IFIH1: variants seen among roughly 807,000 people sequenced by gnomAD.
IFIH1 encodes the protein interferon-induced helicase C domain-containing protein 1.
IFIH1 carries 125 observed loss-of-function variants against 107.4 expected under a neutral mutation model. The ratio of observed to expected loss-of-function variants is 1.16; its 90% CI spans 1.01 to 1.35. IFIH1 has a LOEUF of 1.35. IFIH1 is among the 40% of genes most tolerant of loss of function. The pLI, the probability that IFIH1 is intolerant of heterozygous loss-of-function variation, is 0.00. For missense variants in IFIH1, 1,333 were observed against 1,213.7 expected (o/e 1.10, Z -1.46); for synonymous variants, 458 against 413.2 (o/e 1.11, Z -1.31).
rs1382107944 is a variant in IFIH1 at position 162,268,112 on chromosome 2, G to A, written c.2782C>T (p.His928Tyr). Residue 928 changes from histidine to tyrosine, a missense_variant, in exon 14 of 16, where the codon CAC becomes TAC. Physicochemically the swap from His to Tyr is moderately conservative, Grantham distance 83. Coordinates refer to ENST00000649979, the MANE Select transcript of IFIH1 (RefSeq NM_022168.4). Reference protein sequence around the residue: ...EDIHVIEKMHHVNMTPEFKEL... With the variant: ...EDIHVIEKMHYVNMTPEFKEL... ...TTGAATTCTGGGGTCATATTGACGT[G>A]ATGCATTTTCTCAATTACATGGATA... 6 of 1,607,040 alleles carry A rather than the reference G, an allele frequency of 3.7e-6. No homozygotes were observed. The highest frequency in any genetic ancestry group is 5.1e-6 in the Non-Finnish European group (6 of 1,177,492).
At chr2:162,287,998 T>C in intron 5 of IFIH1, 137 bp downstream of exon 5, 1 of 613,674 alleles carries the variant, frequency 1.6e-6, no homozygotes. Context: ...AGATTAAAGA[T>C]AAAATAAAGA....
At chr2:162,306,926 T>C (rs112610136) in intron 2 of IFIH1, 71 bp from the exon 3 acceptor site, 6 of 1,374,542 alleles carry the variant, frequency 4.4e-6, no homozygotes, top group African/African-American at 1.4e-5. Context: ...ATAACTGTTA[T>C]TGTTATTTTG....
At position 162,278,222 on chromosome 2, in the gene IFIH1, A is replaced by G; in HGVS notation, c.1748T>C (p.Ile583Thr). The change falls in exon 9 of 16, where the codon ATT (isoleucine) becomes ACT (threonine). Residue 583 changes from isoleucine (I) to threonine (T), a missense_variant. Physicochemically the swap from Ile to Thr is moderately conservative, Grantham distance 89 (BLOSUM62 -1). Transcript: ENST00000649979. ...FGTQPYEQWA[I>T]QMEKKAAKEG... is the part of the protein sequence containing the mutation. ...TAAATTACCTTTTTTTTCCATTTGA[A>G]TGGCCCATTGTTCATAGGGTTGAGT... 6.2e-7 allele frequency: 1 copy of G among 1,604,456 alleles called. No homozygotes were observed.
In IFIH1 at chr2:162,303,133, C is replaced by T. The variant is rs570451472; in HGVS notation, c.769+3576G>A. Among the ~76,000 whole-genome samples the T allele has an allele frequency of 3.3e-5, 5 of 151,918 alleles. No individual in the cohort carries two copies. The South Asian group carries it at 8.3e-4, about 25-fold the overall frequency. Reference sequence around the variant, plus strand: ...TGAAGTCATTTCTTTTTTTTTGAGACGGAGTTTTTTTGTTCTTATTGCTCA... The same window carrying T: ...TGAAGTCATTTCTTTTTTTTTGAGATGGAGTTTTTTTGTTCTTATTGCTCA... On this transcript the variant is annotated intron_variant, in intron 3 of 15. Transcript: ENST00000649979.
In IFIH1 at chr2:162,278,205, C is replaced by A. The variant is rs150760072; in HGVS notation, c.1765G>T (p.Ala589Ser). 1.9e-6 allele frequency: 3 copies of A among 1,599,810 alleles called. No individual in the cohort carries two copies. The highest frequency in any genetic ancestry group is 3.5e-5 in the Admixed American group (2 of 56,872). ...AGTGTTAGGTCCAAACCTAAATTAC[C>A]TTTTTTTTCCATTTGAATGGCCCAT... Reference protein sequence around the residue: ...EQWAIQMEKKAAKEGNRKERV... With the variant: ...EQWAIQMEKKSAKEGNRKERV... The change falls in exon 9 of 16, where the codon GCT becomes TCT. Residue 589 changes from alanine to serine, a missense_variant and splice_region_variant. By Grantham distance (99) the Ala-to-Ser change is moderately conservative. Coordinates refer to ENST00000649979, the MANE Select transcript of IFIH1 (RefSeq NM_022168.4).
intron 7 of IFIH1, among the ~76,000 whole-genome samples, 179 bp from the exon 8 acceptor site, chr2:162,280,291 T>C (rs1186141126): frequency 6.6e-6 from 1 of 152,062 alleles, no homozygotes; most frequent in East Asian, 1.9e-4. Context: ...TTTAACATTG[T>C]TTTATTATGG....
At chr2:162,304,033 A>G (rs1024393129) in intron 3 of IFIH1, among the ~76,000 whole-genome samples, 2 of 152,204 alleles carry the variant, frequency 1.3e-5, no homozygotes, top group African/African-American at 4.8e-5. Flanking sequence ...TGGCATTCCT[A>G]TAGAATCATG....
chr2:162,318,459 C>T lies in IFIH1; in HGVS notation c.-152G>A, dbSNP rs998009519. 1.5e-5 allele frequency: 10 copies of T among 669,626 alleles called. No homozygotes were observed. In the African/African-American group the frequency reaches 1.6e-4, roughly 11 times the overall value. 41.5% of individuals were successfully genotyped at this position (669,626 alleles called of 1,614,324 possible). On this transcript the variant is annotated 5_prime_UTR_variant, in exon 1 of 16. Transcript: ENST00000649979. ...GACAATGACGAGGTTGTCCACAGGG[C>T]TCTCAGGCCGGCGCGCGGGGCTGCA... is the stretch of plus-strand genomic sequence containing the variant.
rs767683878 is a variant in IFIH1, at chr2:162,317,901, T to C, written c.407A>G (p.Asp136Gly). Residue 136 changes from aspartate to glycine, a missense_variant, in exon 1 of 16, where the codon GAT (aspartate) becomes GGT (glycine). Coordinates refer to ENST00000649979, the MANE Select transcript of IFIH1 (RefSeq NM_022168.4). ...CAACAGTTCCTCCTCCATGCACTTA[T>C]CCAAGACGTCTCTAACTAGAAGCTT... ...VDKLLVRDVLDKCMEEELLTI... is the reference protein window; with the variant it reads ...VDKLLVRDVLGKCMEEELLTI... 24 of 1,611,384 alleles carry C rather than the reference T, an allele frequency of 1.5e-5. No homozygotes were observed. Among genetic ancestry groups the C allele is most frequent in the African/African-American group, 6.7e-5 (5 of 74,906 alleles).
At position 162,282,372 on chromosome 2, in the gene IFIH1, A is replaced by G. The variant is rs777314172; in HGVS notation, c.1300T>C (p.Leu434=). Residue 434 remains leucine (L), a synonymous_variant, in exon 6 of 16, where the codon TTG becomes CTG. Coordinates refer to ENST00000649979, the MANE Select transcript of IFIH1 (RefSeq NM_022168.4). ...LENGEDAGVQ[L]SDFSLIIIDE... ...AATAAACACTTAAACTGACCTGACA[A>G]TTGAACACCAGCATCTTCTCCATTT... is the stretch of plus-strand genomic sequence containing the variant. The G allele has an allele frequency of 3.4e-5, 55 of 1,606,034 alleles. No homozygotes were observed. The highest frequency in any genetic ancestry group is 4.3e-5 in the Non-Finnish European group (51 of 1,174,456).
At chr2:162,295,150 A>G (rs1683064082) in intron 3 of IFIH1, among the ~76,000 whole-genome samples, 1 of 151,948 alleles carries the variant, frequency 6.6e-6, no homozygotes, top group Admixed American at 6.6e-5. Context: ...CAGCACCCCA[A>G]AAGTCTCCTC....
intron 5 of IFIH1, among the ~76,000 whole-genome samples, chr2:162,283,207 G>A (rs1287786780): frequency 1.3e-5 from 2 of 151,832 alleles, no homozygotes; most frequent in Admixed American, 6.6e-5. Flanking sequence ...CCACAGGACC[G>A]GAAGAATCAG....
chr2:162,289,368 C>A (rs1264291800), intron 4 of IFIH1, among the ~76,000 whole-genome samples: 2 of 151,078 alleles, frequency 1.3e-5, no homozygotes, highest in Non-Finnish European at 3.0e-5. Flanking sequence ...ACCATATTGA[C>A]CTATATTACC....
At position 162,293,583 on chromosome 2, in the gene IFIH1, G is replaced by A. The variant is rs1371911102; in HGVS notation, c.855C>T (p.Gly285=). The A allele has an allele frequency of 1.9e-6, 3 of 1,609,240 alleles. No homozygotes were observed. Among genetic ancestry groups the A allele is most frequent in the East Asian group, 2.2e-5 (1 of 44,810 alleles). The change falls in exon 4 of 16, where the codon GGC becomes GGT. Residue 285 remains glycine, a synonymous_variant. Coordinates refer to ENST00000649979, the MANE Select transcript of IFIH1 (RefSeq NM_022168.4). ...CAGTACCTGAATCACTTCCCATGGT[G>A]CCTGAATCACTGCCCATGTTGCTGT... ...GHNSNMGSDS[G]TMGSDSDEEN... is the part of the protein sequence containing the mutation.
intron 13 of IFIH1, 89 bp from the exon 14 acceptor site, chr2:162,268,366 T>C (rs994914449): frequency 3.7e-6 from 3 of 818,108 alleles, no homozygotes; most frequent in Non-Finnish European, 5.8e-6. Flanking sequence ...TTGGAGGTCT[T>C]AGTTGTGAAA....
Position 162,277,621 on chromosome 2 carries a change from A to C in IFIH1, c.1838T>G (p.Ile613Ser). Reference sequence around the variant, plus strand: ...ATCTATCATTCGAATTGTGTCATTAATTTGTAGGGCCTCATTGTACTTCCT... The same window carrying C: ...ATCTATCATTCGAATTGTGTCATTACTTTGTAGGGCCTCATTGTACTTCCT... ...HLRKYNEALQ[I>S]NDTIRMIDAY... The change falls in exon 10 of 16, where the codon ATT (isoleucine) becomes AGT (serine). Residue 613 changes from isoleucine (I) to serine (S), a missense_variant. By Grantham distance (142) the Ile-to-Ser change is moderately radical. Transcript: ENST00000649979. The C allele has an allele frequency of 6.2e-7, 1 of 1,613,466 alleles. No homozygotes were observed. The highest frequency in any genetic ancestry group is 8.5e-7 in the Non-Finnish European group (1 of 1,179,604).
chr2:162,298,024 C>G (rs1290193560), intron 3 of IFIH1, among the ~76,000 whole-genome samples: 1 of 151,828 alleles, frequency 6.6e-6, no homozygotes, highest in Non-Finnish European at 1.5e-5. Flanking sequence ...CATTTAGAAA[C>G]CAAAAATATT....
chr2:162,277,888 T>C (rs1004866067), intron 9 of IFIH1, among the ~76,000 whole-genome samples, 195 bp from the exon 10 acceptor site: 1 of 152,110 alleles, frequency 6.6e-6, no homozygotes, highest in Non-Finnish European at 1.5e-5. Context: ...GCTGCTTGAG[T>C]TCTGCCTCAG....
In IFIH1 at chr2:162,281,435, T is replaced by C; in HGVS notation, c.1417A>G (p.Lys473Glu). The C allele has an allele frequency of 6.2e-7, 1 of 1,612,714 alleles. No individual in the cohort carries two copies. The highest frequency in any genetic ancestry group is 1.3e-5 in the African/African-American group (1 of 74,948). The change falls in exon 7 of 16, where the codon AAA becomes GAA. Residue 473 changes from lysine (K) to glutamate (E), a missense_variant. Transcript: ENST00000649979. ...MQKLKNNRLK[K>E]ENKPVIPLPQ... ...AGGGGAATCACTGGTTTGTTTTCTT[T>C]CTTGAGTCTATTGTTTTTCAACTTC... is the stretch of plus-strand genomic sequence containing the variant.
Sources: gnomAD v4.1 joint callset for allele counts (sites outside exome capture counted in the v4.1 genomes callset) on GRCh38, gnomAD v4.1.1 for gene constraint, MANE v1.5 for transcripts, NCBI Gene and HGNC (gene_info 2026-07-23, HGNC 2026-07-21) for gene names.